CSMD1: variants seen among roughly 807,000 people sequenced by gnomAD.
CSMD1 encodes the protein CUB and sushi domain-containing protein 1.
In CSMD1, 213 loss-of-function variants were observed where a neutral mutation model predicts 417.5. That is an observed-to-expected ratio of 0.51 (90% CI 0.46 to 0.57). CSMD1 has a LOEUF of 0.57. Among genes scored for constraint, CSMD1 ranks in the 20% least tolerant of loss-of-function variants. The pLI, the probability that CSMD1 is intolerant of heterozygous loss-of-function variation, is 0.00. For missense variants in CSMD1, 6,923 were observed against 4,529.7 expected, an observed-to-expected ratio of 1.53 and a Z score of -15.17; for synonymous variants, 2,862 against 1,736.8, an observed-to-expected ratio of 1.65 and a Z score of -16.11.
intron 5 of CSMD1, among the ~76,000 whole-genome samples, chr8:3,965,647 T>G (rs1224704043): frequency 6.6e-6 from 1 of 152,126 alleles, no homozygotes; most frequent in Non-Finnish European, 1.5e-5. Context: ...AAATGGAGTC[T>G]CACCCTGTCG....
chr8:4,343,717 G>C (rs1222306079), intron 3 of CSMD1, among the ~76,000 whole-genome samples: 2 of 151,974 alleles, frequency 1.3e-5, no homozygotes, highest in East Asian at 3.9e-4. Flanking sequence ...GGGGAGCTTC[G>C]ACTAGGTCCA....
At chr8:4,504,985 T>C (rs1802446760) in intron 2 of CSMD1, among the ~76,000 whole-genome samples, 1 of 152,218 alleles carries the variant, frequency 6.6e-6, no homozygotes, top group South Asian at 2.1e-4. Flanking sequence ...TATAATCCTT[T>C]GGGTATATAC....
At chr8:4,407,560 G>A (rs1336457298) in intron 3 of CSMD1, among the ~76,000 whole-genome samples, 1 of 152,114 alleles carries the variant, frequency 6.6e-6, no homozygotes, top group Non-Finnish European at 1.5e-5. Flanking sequence ...ATTTCATATA[G>A]TAATGTATAA....
chr8:3,729,934 AAAAAAAAAAAAAAAAAAAAAAAAAAAAC>A (rs1457219515), intron 6 of CSMD1, among the ~76,000 whole-genome samples: 6 of 24,102 alleles, frequency 2.5e-4, no homozygotes, highest in Admixed American at 5.1e-4. Flanking sequence ...AAAAAAAAAA[AAAAAAAAAAAAAAAAAAAAAAAAAAAAC>A]AAAAACAGAA....
intron 49 of CSMD1, among the ~76,000 whole-genome samples, chr8:3,076,682 T>G (rs781299715): frequency 6.6e-5 from 10 of 152,234 alleles, no homozygotes; most frequent in Non-Finnish European, 1.0e-4. Context: ...ACACTGTTTA[T>G]GTTAGAAACC....
chr8:3,540,836 T>A (rs1179648666), intron 10 of CSMD1, among the ~76,000 whole-genome samples: 1 of 152,138 alleles, frequency 6.6e-6, no homozygotes, highest in African/African-American at 2.4e-5. Flanking sequence ...AATGAGATCA[T>A]TTCATGCCAG....
intron 3 of CSMD1, among the ~76,000 whole-genome samples, chr8:4,251,628 C>G (rs1365766140): frequency 6.6e-6 from 1 of 152,162 alleles, no homozygotes; most frequent in Non-Finnish European, 1.5e-5. Flanking sequence ...ATATTACACA[C>G]TGGCAGCTGA....
chr8:4,454,358 T>G (rs1003492723), intron 2 of CSMD1, among the ~76,000 whole-genome samples: 1 of 152,136 alleles, frequency 6.6e-6, no homozygotes, highest in Non-Finnish European at 1.5e-5. Flanking sequence ...ACTTTTCTTC[T>G]CCCAACACAT....
chr8:3,666,793 G>C (rs1326837972), intron 7 of CSMD1, among the ~76,000 whole-genome samples: 3 of 151,856 alleles, frequency 2.0e-5, no homozygotes, highest in African/African-American at 7.3e-5. Flanking sequence ...CATCATGATT[G>C]TGAGGCCTCC....
chr8:3,927,785 A>C (rs992416299), intron 5 of CSMD1, among the ~76,000 whole-genome samples: 6 of 152,206 alleles, frequency 3.9e-5, no homozygotes, highest in Admixed American at 1.3e-4. Flanking sequence ...AAAATACCAA[A>C]TCTACCAAAT....
At chr8:3,792,153 G>C (rs888301942) in intron 5 of CSMD1, among the ~76,000 whole-genome samples, 1 of 152,098 alleles carries the variant, frequency 6.6e-6, no homozygotes, top group African/African-American at 2.4e-5. Context: ...AATTAGCCAG[G>C]TGTCATGGTG....
chr8:4,022,594 C>G (rs1186814383), intron 4 of CSMD1, among the ~76,000 whole-genome samples: 2 of 152,106 alleles, frequency 1.3e-5, no homozygotes, highest in Non-Finnish European at 2.9e-5. Context: ...GAGAAGCCTC[C>G]AAGTTACTGC....
chr8:4,370,295 G>A (rs1583129), intron 3 of CSMD1, among the ~76,000 whole-genome samples: 4 of 152,032 alleles, frequency 2.6e-5, no homozygotes, highest in Non-Finnish European at 1.5e-5. Flanking sequence ...TGTAAGGTTT[G>A]TGCTGAAATG....
At chr8:3,596,775 C>G (rs1333980985) in intron 8 of CSMD1, among the ~76,000 whole-genome samples, 1 of 149,096 alleles carries the variant, frequency 6.7e-6, no homozygotes, top group East Asian at 2.0e-4. Context: ...AGGGCACACA[C>G]AAACACACAC....
chr8:4,015,356 T>C (rs1796470037), intron 4 of CSMD1, among the ~76,000 whole-genome samples: 2 of 152,146 alleles, frequency 1.3e-5, no homozygotes, highest in African/African-American at 4.8e-5. Context: ...TCGTTCCTAG[T>C]TTTCCTGCCT....
At chr8:2,952,163 G>C (rs1802682149) in intron 65 of CSMD1, among the ~76,000 whole-genome samples, 2 of 152,106 alleles carry the variant, frequency 1.3e-5, no homozygotes. Context: ...ATTACTCTTT[G>C]TTTTCTGCCT....
intron 3 of CSMD1, among the ~76,000 whole-genome samples, chr8:4,178,210 C>G (rs1295458978): frequency 6.6e-6 from 1 of 152,164 alleles, no homozygotes; most frequent in Non-Finnish European, 1.5e-5. Context: ...AATCCAGCAG[C>G]ACATCAAAAA....
At chr8:4,351,153 T>TA (rs578051309) in intron 3 of CSMD1, among the ~76,000 whole-genome samples, 3,077 of 141,464 alleles carry the variant, frequency 0.022, 87 homozygotes, top group African/African-American at 0.069. Context: ...GTCCCATCTC[T>TA]AAAAAAAAAA....
chr8:3,172,512 T>A (rs1446206841), intron 37 of CSMD1, among the ~76,000 whole-genome samples: 6 of 152,188 alleles, frequency 3.9e-5, no homozygotes, highest in Non-Finnish European at 5.9e-5. Flanking sequence ...CTCAAGAATT[T>A]AAATTTGAAA....
Sources: allele counts gnomAD v4.1 joint callset (sites outside exome capture counted in the v4.1 genomes callset), GRCh38; gene constraint gnomAD v4.1.1; transcripts MANE v1.5; gene names NCBI Gene and HGNC (gene_info 2026-07-23, HGNC 2026-07-21).